Variants in SMARCD3 observed in about 807,000 individuals in gnomAD.
The protein encoded by SMARCD3 is SWI/SNF related BAF chromatin remodeling complex subunit D3.
SMARCD3 carries 14 observed loss-of-function variants against 58.0 expected under a neutral mutation model. The ratio of observed to expected loss-of-function variants is 0.24; its 90% CI spans 0.16 to 0.38. SMARCD3 has a LOEUF of 0.38. SMARCD3 is among the 10% of genes least tolerant of loss of function. The pLI is 1.00. For synonymous variants in SMARCD3, 253 were observed against 253.8 expected, an observed-to-expected ratio of 1.00 and a Z score of 0.03; for missense variants, 408 against 636.9, an observed-to-expected ratio of 0.64 and a Z score of 3.87.
Position 151,242,046 on chromosome 7 carries a change from G to A in SMARCD3, c.676-68C>T. Reference sequence around the variant, plus strand: ...GAGTGGTGGGGCCCAGGACTCTAGGGTGGTCCCTGACCCAAATCTGTGCTG... The same window carrying A: ...GAGTGGTGGGGCCCAGGACTCTAGGATGGTCCCTGACCCAAATCTGTGCTG... On this transcript the variant is annotated intron_variant, in intron 6 of 12. Coordinates refer to ENST00000262188, the MANE Select transcript of SMARCD3 (RefSeq NM_001003801.2). The surrounding 1 kb of genome is among the most constrained non-coding windows in gnomAD (Gnocchi z 4.7). 1.3e-6 allele frequency: 2 copies of A among 1,546,550 alleles called. No homozygotes were observed. The highest frequency in any genetic ancestry group is 2.2e-5 in the South Asian group (2 of 89,614).
At chr7:151,249,828 T>G (rs1584878801), upstream of SMARCD3, among the ~76,000 whole-genome samples, 2 of 149,396 alleles carry the variant, frequency 1.3e-5, no homozygotes, top group African/African-American at 2.5e-5. This position sits in a 1 kb window ranked among gnomAD's most constrained non-coding sequence, Gnocchi z 4.8. Flanking sequence ...GTCCCTGGAG[T>G]GGAGGAGGGA....
chr7:151,252,542 C>A (rs1803560608), upstream of SMARCD3, among the ~76,000 whole-genome samples: 1 of 152,070 alleles, frequency 6.6e-6, no homozygotes, highest in Non-Finnish European at 1.5e-5. Flanking sequence ...ACCACAAAGC[C>A]TTGGTTTCGG....
intron 8 of SMARCD3, 176 bp from the exon 9 acceptor site, chr7:151,240,698 T>G (rs1282886763): frequency 8.9e-6 from 5 of 564,160 alleles, no homozygotes; most frequent in Non-Finnish European, 1.6e-5. Flanking sequence ...CCGGTATGGC[T>G]GACAAGATAG....
At position 151,245,679 on chromosome 7, in the gene SMARCD3, TGGGC is replaced by T; in HGVS notation, c.79-12_79-9del. On this transcript the variant is annotated splice_polypyrimidine_tract_variant and intron_variant, in intron 1 of 12. Transcript: ENST00000262188. This position sits in a 1 kb window ranked among gnomAD's most constrained non-coding sequence, Gnocchi z 6.2. ...AGACGGCATCCCGGGGCGCTGGGGG[TGGGC>T]GGGGGTGAAGCAGAAACGGGCGCCC... 1 of 429,132 alleles carries T rather than the reference TGGGC, an allele frequency of 2.3e-6. No homozygotes were observed. Among genetic ancestry groups the T allele is most frequent in the Non-Finnish European group, 3.3e-6 (1 of 306,202 alleles). 26.6% of individuals were successfully genotyped at this position (429,132 alleles called of 1,614,324 possible).
At chr7:151,248,759 C>CGCCGCCGCCGCCGCCGCGGCT (rs1803402957), upstream of SMARCD3, 1 of 894,608 alleles carries the variant, frequency 1.1e-6, no homozygotes, top group Non-Finnish European at 1.4e-6. The surrounding 1 kb of genome is among the most constrained non-coding windows in gnomAD (Gnocchi z 6.1). Flanking sequence ...GCCCGCCCGC[C>CGCCGCCGCCGCCGCCGCGGCT]GCCGCCGCCG....
At chr7:151,266,233 GT>G in intron 2 of SMARCD3, among the ~76,000 whole-genome samples, 1 of 152,014 alleles carries the variant, frequency 6.6e-6, no homozygotes, top group Non-Finnish European at 1.5e-5. Flanking sequence ...GCCTCCCAAA[GT>G]GCTGGGATTG....
intron 2 of SMARCD3, among the ~76,000 whole-genome samples, chr7:151,268,841 C>T (rs571990148): frequency 6.6e-6 from 1 of 152,210 alleles, no homozygotes; most frequent in South Asian, 2.1e-4. Context: ...TGGCTTCAGG[C>T]GATCTTCCTG....
At chr7:151,259,522 G>A (rs1803834387) in intron 2 of SMARCD3, among the ~76,000 whole-genome samples, 1 of 150,936 alleles carries the variant, frequency 6.6e-6, no homozygotes, top group South Asian at 2.1e-4. Context: ...GATGGGTGGA[G>A]GTGAAGAGAG....
chr7:151,247,028 T>G (rs1803300294), intron 1 of SMARCD3, among the ~76,000 whole-genome samples: 4 of 152,136 alleles, frequency 2.6e-5, no homozygotes, highest in East Asian at 1.9e-4. Context: ...CCTAATGTCC[T>G]CCCACCCTCG....
intron 2 of SMARCD3, among the ~76,000 whole-genome samples, chr7:151,256,304 G>C (rs1428969941): frequency 6.6e-6 from 1 of 151,988 alleles, no homozygotes; most frequent in Non-Finnish European, 1.5e-5. Flanking sequence ...CTGAATAGCT[G>C]GGACCACAGG....
At chr7:151,267,109 C>T (rs997228358) in intron 2 of SMARCD3, among the ~76,000 whole-genome samples, 1 of 152,154 alleles carries the variant, frequency 6.6e-6, no homozygotes, top group African/African-American at 2.4e-5. Context: ...CATTTACCCG[C>T]ACACCACTGC....
chr7:151,244,007 G>A (rs1214078359), intron 2 of SMARCD3, among the ~76,000 whole-genome samples: 2 of 152,246 alleles, frequency 1.3e-5, no homozygotes, highest in African/African-American at 4.8e-5. Flanking sequence ...AAAGATGCGA[G>A]CTGCAGAAGT....
At chr7:151,258,587 G>T (rs945142378) in intron 2 of SMARCD3, among the ~76,000 whole-genome samples, 3 of 146,356 alleles carry the variant, frequency 2.0e-5, no homozygotes, top group African/African-American at 7.5e-5. Flanking sequence ...AAAAGAAAAA[G>T]AAAAAGAAAA....
rs184311203 is a variant in SMARCD3 at position 151,268,996 on chromosome 7, T to G, written c.39+6118A>C. 8.9e-4 allele frequency among the ~76,000 whole-genome samples: 135 copies of G among 152,336 alleles called. 3 individuals carry two copies. The highest frequency in any genetic ancestry group is 3.0e-3 in the African/African-American group (124 of 41,576). ...GCCCCCAGTCACTTCACTCTTTCACTTCCTGCAGGTCACTGTGTTTGTGGC... is the reference window on the plus strand; with the variant it reads ...GCCCCCAGTCACTTCACTCTTTCACGTCCTGCAGGTCACTGTGTTTGTGGC... On this transcript the variant is annotated intron_variant, in intron 2 of 13. Coordinates refer to the SMARCD3 transcript ENST00000356800.
In SMARCD3 at chr7:151,245,043, C is replaced by T. The variant is rs1324331225; in HGVS notation, c.290+417G>A. ...AAAATCTGGAGTGGCTTTGAAACAG[C>T]CCGGGGGCCGGCAGGAAGGCTCAGC... On this transcript the variant is annotated intron_variant, in intron 2 of 12. Transcript: ENST00000262188. This position sits in a 1 kb window ranked among gnomAD's most constrained non-coding sequence, Gnocchi z 6.2. Among the ~76,000 whole-genome samples the T allele has an allele frequency of 6.6e-6, 1 of 152,218 alleles. No individual in the cohort carries two copies. The highest frequency in any genetic ancestry group is 2.1e-4 in the South Asian group (1 of 4,834).
rs769427975 is a variant in SMARCD3, at chr7:151,240,412, G to C, written c.1037+13C>G. ...CATTCCCTGGTCTGAGAAGCAAGCT[G>C]GGGCCACCTCACCTGATGACATGGT... On this transcript the variant is annotated intron_variant, in intron 9 of 12. Transcript: ENST00000262188. 6.2e-7 allele frequency: 1 copy of C among 1,609,344 alleles called. No homozygotes were observed. The highest frequency in any genetic ancestry group is 8.5e-7 in the Non-Finnish European group (1 of 1,176,134).
In SMARCD3 at chr7:151,256,582, G is replaced by C. The variant is rs574922857; in HGVS notation, c.40-10911C>G. On this transcript the variant is annotated intron_variant, in intron 2 of 13. Transcript: ENST00000356800. ...GAAAGACACACAGCCACCCCACCCG[G>C]TCTCATTGTGGATTCGGCACGAGCT... Among the ~76,000 whole-genome samples, 356 of 152,194 alleles carry C rather than the reference G, an allele frequency of 2.3e-3. 2 individuals carry two copies. The highest frequency in any genetic ancestry group is 7.7e-3 in the African/African-American group (321 of 41,532).
chr7:151,259,168 A>G (rs1019962215), intron 2 of SMARCD3, among the ~76,000 whole-genome samples: 2 of 152,038 alleles, frequency 1.3e-5, no homozygotes, highest in African/African-American at 4.8e-5. Flanking sequence ...CCTGGCCAAC[A>G]TGGTGAAACC....
intron 2 of SMARCD3, among the ~76,000 whole-genome samples, chr7:151,257,132 C>G (rs1458731258): frequency 6.6e-6 from 1 of 152,200 alleles, no homozygotes; most frequent in Non-Finnish European, 1.5e-5. Context: ...CTCAAGTGAT[C>G]CTCCCGCCTC....
Sources: allele counts gnomAD v4.1 joint callset (sites outside exome capture counted in the v4.1 genomes callset), GRCh38; gene constraint gnomAD v4.1.1; non-coding constraint Gnocchi (gnomAD v3.1); transcripts MANE v1.5; gene names NCBI Gene and HGNC (gene_info 2026-07-23, HGNC 2026-07-21).